The following UBE2E2 variants were observed in gnomAD, a reference collection of about 807,000 sequenced individuals.
The protein encoded by UBE2E2 is ubiquitin-conjugating enzyme E2 E2.
UBE2E2 carries 6 observed loss-of-function variants against 24.7 expected under a neutral mutation model. The observed-to-expected ratio is 0.24, with a 90% CI of 0.13 to 0.48. The LOEUF is 0.48. Ranked by LOEUF, UBE2E2 falls within the 20% of genes least tolerant of loss-of-function variation. The probability of loss-of-function intolerance (pLI) is 0.99; values close to 1 mark genes in which losing one functional copy is unlikely to be tolerated. For missense variants in UBE2E2, 169 were observed against 245.0 expected (o/e 0.69, Z 2.07); for synonymous variants, 104 against 83.6 (o/e 1.24, Z -1.33).
At chr3:23,505,262 C>T (rs923344893) in intron 4 of UBE2E2, among the ~76,000 whole-genome samples, 3 of 152,000 alleles carry the variant, frequency 2.0e-5, no homozygotes, top group Non-Finnish European at 4.4e-5. Flanking sequence ...ACTAAGGACT[C>T]ATGTTAGGTA....
intron 3 of UBE2E2, among the ~76,000 whole-genome samples, chr3:23,281,176 A>T (rs1039957575): frequency 6.6e-6 from 1 of 152,116 alleles, no homozygotes; most frequent in Admixed American, 6.5e-5. Context: ...TAGGGAGACA[A>T]ATATTCAGTC....
upstream of UBE2E2, chr3:23,203,257 C>T (rs964070720): frequency 2.9e-5 from 29 of 988,386 alleles, no homozygotes; most frequent in Middle Eastern, 5.1e-4. Context: ...AGCGGCGGCG[C>T]TGAGGGTGAG....
At chr3:23,244,959 A>G (rs1196137131) in intron 3 of UBE2E2, among the ~76,000 whole-genome samples, 3 of 152,174 alleles carry the variant, frequency 2.0e-5, no homozygotes, top group Non-Finnish European at 4.4e-5. Context: ...GGTTAATACC[A>G]TGCAGCTGAT....
chr3:23,540,840 C>T (rs970979537), intron 5 of UBE2E2, among the ~76,000 whole-genome samples: 17 of 152,330 alleles, frequency 1.1e-4, no homozygotes, highest in Middle Eastern at 3.4e-3. Flanking sequence ...AAGTGATCCT[C>T]CTGCCTCAAC....
intron 3 of UBE2E2, among the ~76,000 whole-genome samples, chr3:23,360,055 C>T (rs1295169668): frequency 6.6e-6 from 1 of 152,106 alleles, no homozygotes; most frequent in Non-Finnish European, 1.5e-5. Context: ...TTTTCCTTGG[C>T]AGTCTTCAGT....
intron 3 of UBE2E2, among the ~76,000 whole-genome samples, chr3:23,234,714 T>C (rs1164810960): frequency 6.6e-6 from 1 of 152,174 alleles, no homozygotes; most frequent in Non-Finnish European, 1.5e-5. Flanking sequence ...AATAAATGTC[T>C]CTTTCTAAGT....
chr3:23,222,624 C>G (rs1368748782), intron 3 of UBE2E2, among the ~76,000 whole-genome samples: 1 of 152,188 alleles, frequency 6.6e-6, no homozygotes, highest in Non-Finnish European at 1.5e-5. Flanking sequence ...TGAGGCCTCT[C>G]AAGCCAGGTG....
intron 5 of UBE2E2, among the ~76,000 whole-genome samples, chr3:23,566,775 A>G (rs1055213415): frequency 1.3e-5 from 2 of 152,196 alleles, no homozygotes; most frequent in South Asian, 4.1e-4. Context: ...ACTAGGCCCT[A>G]GCTCCAACAT....
chr3:23,213,052 A>G (rs1559440943), intron 2 of UBE2E2, among the ~76,000 whole-genome samples: 1 of 152,102 alleles, frequency 6.6e-6, no homozygotes, highest in Non-Finnish European at 1.5e-5. Context: ...TGATTAGAGT[A>G]GGGGTTTTTA....
At chr3:23,335,473 C>T (rs1695178874) in intron 3 of UBE2E2, among the ~76,000 whole-genome samples, 1 of 152,098 alleles carries the variant, frequency 6.6e-6, no homozygotes, top group African/African-American at 2.4e-5. Context: ...TTTCTTGTAG[C>T]AGTGTCTATA....
chr3:23,479,519 C>A (rs1405931002), intron 3 of UBE2E2, among the ~76,000 whole-genome samples: 1 of 152,080 alleles, frequency 6.6e-6, no homozygotes, highest in African/African-American at 2.4e-5. Context: ...TCTCTTCACC[C>A]ACAAGATGGT....
intron 3 of UBE2E2, among the ~76,000 whole-genome samples, chr3:23,470,375 T>C (rs1385034398): frequency 6.6e-6 from 1 of 152,220 alleles, no homozygotes; most frequent in Non-Finnish European, 1.5e-5. Flanking sequence ...CATGGATATG[T>C]GGTATATAAT....
At chr3:23,215,759 A>G (rs1418921124) in intron 2 of UBE2E2, among the ~76,000 whole-genome samples, 1 of 151,894 alleles carries the variant, frequency 6.6e-6, no homozygotes, top group Non-Finnish European at 1.5e-5. Context: ...TCCCCTACCC[A>G]CCCAGTGGGG....
chr3:23,500,751 T>C (rs907150625), intron 4 of UBE2E2, among the ~76,000 whole-genome samples: 1 of 152,202 alleles, frequency 6.6e-6, no homozygotes, highest in African/African-American at 2.4e-5. Context: ...CCATTGATGC[T>C]TAGATAGTGT....
chr3:23,460,779 G>T (rs1698791658), intron 3 of UBE2E2, among the ~76,000 whole-genome samples: 1 of 152,170 alleles, frequency 6.6e-6, no homozygotes, highest in East Asian at 1.9e-4. Flanking sequence ...GACATTCCAA[G>T]AAGAAGCAGA....
chr3:23,374,692 C>T (rs778489195), intron 3 of UBE2E2, among the ~76,000 whole-genome samples: 13 of 152,242 alleles, frequency 8.5e-5, no homozygotes, highest in East Asian at 3.8e-4. Context: ...CTGCTAACTA[C>T]ACCACAGTAT....
At chr3:23,478,757 G>C (rs376924852) in intron 3 of UBE2E2, among the ~76,000 whole-genome samples, 3 of 152,200 alleles carry the variant, frequency 2.0e-5, no homozygotes, top group African/African-American at 7.2e-5. Context: ...AAAAAATTAA[G>C]AGGTGAGTCA....
intron 4 of UBE2E2, among the ~76,000 whole-genome samples, chr3:23,500,793 C>T (rs964027247): frequency 6.6e-6 from 1 of 152,074 alleles, no homozygotes; most frequent in African/African-American, 2.4e-5. Context: ...CTATAATTAC[C>T]CTCAATGAGG....
chr3:23,337,646 G>A (rs577825077), intron 3 of UBE2E2, among the ~76,000 whole-genome samples: 1 of 152,206 alleles, frequency 6.6e-6, no homozygotes, highest in East Asian at 1.9e-4. Flanking sequence ...GACTAAGGCG[G>A]GGATGTAGGG....
Sources: gnomAD v4.1 joint callset for allele counts (sites outside exome capture counted in the v4.1 genomes callset) on GRCh38, gnomAD v4.1.1 for gene constraint, MANE v1.5 for transcripts, NCBI Gene and HGNC (gene_info 2026-07-23, HGNC 2026-07-21) for gene names.